Variants in ZNF536 observed in about 807,000 individuals in gnomAD.
ZNF536 encodes the protein zinc finger protein 536.
A neutral mutation model predicts 84.5 loss-of-function variants in ZNF536; 13 were observed. The ratio of observed to expected loss-of-function variants is 0.15; its 90% confidence interval spans 0.10 to 0.24. The LOEUF is 0.24. ZNF536 is among the 10% of genes least tolerant of loss of function. The probability of loss-of-function intolerance (pLI) is 1.00; values close to 1 mark genes in which losing one functional copy is unlikely to be tolerated. For missense variants in ZNF536, 1,536 were observed against 1,747.5 expected, an observed-to-expected ratio of 0.88 and a Z score of 2.16; for synonymous variants, 811 against 742.5, an observed-to-expected ratio of 1.09 and a Z score of -1.50.
At chr19:30,609,768 A>G (rs1162351778) in intron 1 of ZNF536, among the ~76,000 whole-genome samples, 1 of 105,230 alleles carries the variant, frequency 9.5e-6, no homozygotes, top group Non-Finnish European at 1.9e-5. Context: ...CCATCCACCC[A>G]TCTACCCATC....
At chr19:30,620,751 T>C (rs2048454496) in intron 1 of ZNF536, among the ~76,000 whole-genome samples, 1 of 152,194 alleles carries the variant, frequency 6.6e-6, no homozygotes, top group African/African-American at 2.4e-5. Context: ...TGCAAACCTT[T>C]TGAATGACAC....
chr19:30,571,220 G>A (rs929058788), intron 1 of ZNF536, among the ~76,000 whole-genome samples: 2 of 152,164 alleles, frequency 1.3e-5, no homozygotes, highest in Non-Finnish European at 2.9e-5. Flanking sequence ...GCTTCAGTGG[G>A]CTGGTTCGCT....
intron 1 of ZNF536, among the ~76,000 whole-genome samples, chr19:30,411,756 TA>T (rs2050504834): frequency 2.6e-5 from 4 of 152,244 alleles, no homozygotes; most frequent in Non-Finnish European, 5.9e-5. Flanking sequence ...TATTCTTTCT[TA>T]AAACTTGCTT....
At chr19:30,600,423 C>T (rs977695426) in intron 1 of ZNF536, among the ~76,000 whole-genome samples, 1 of 152,132 alleles carries the variant, frequency 6.6e-6, no homozygotes, top group African/African-American at 2.4e-5. Context: ...TTTTTAAAAG[C>T]TACAACCAAA....
chr19:30,557,875 G>A lies in ZNF536; in HGVS notation c.*711G>A, dbSNP rs899572897. ...TAGAAGATATATTAAGGTGTTCCTG[G>A]TAATGAAGGCATGTAAGTTATAATA... On this transcript the variant is annotated 3_prime_UTR_variant, in exon 5 of 5. Coordinates refer to ENST00000355537, the MANE Select transcript of ZNF536 (RefSeq NM_014717.3). 1.3e-5 allele frequency: 2 copies of A among 152,540 alleles called. No homozygotes were observed. Among genetic ancestry groups the A allele is most frequent in the Non-Finnish European group, 2.9e-5 (2 of 68,034 alleles). The allele number at this position is 152,540 out of a possible 1,614,324, so 9.4% of individuals were successfully genotyped here.
intron 1 of ZNF536, among the ~76,000 whole-genome samples, chr19:30,592,652 A>G (rs2047314800): frequency 6.6e-6 from 1 of 152,016 alleles, no homozygotes; most frequent in Non-Finnish European, 1.5e-5. Context: ...GGCTGTGGAA[A>G]TGAAAAGCAA....
At chr19:30,324,139 C>A (rs910582190) in intron 2 of ZNF536, among the ~76,000 whole-genome samples, 2 of 151,848 alleles carry the variant, frequency 1.3e-5, no homozygotes, top group Admixed American at 1.3e-4. Context: ...TCTACCCATG[C>A]ATCATCCATC....
At chr19:30,240,294 A>AC (rs2023844854) in intron 1 of ZNF536, among the ~76,000 whole-genome samples, 1 of 151,922 alleles carries the variant, frequency 6.6e-6, no homozygotes, top group Non-Finnish European at 1.5e-5. Flanking sequence ...AATTGCTCAA[A>AC]CCCGGGAGGC....
intron 2 of ZNF536, among the ~76,000 whole-genome samples, chr19:30,472,828 G>A (rs895339069): frequency 6.6e-6 from 1 of 152,104 alleles, no homozygotes; most frequent in Non-Finnish European, 1.5e-5. Context: ...GTCCAATGCT[G>A]CAAGGAAGTG....
chr19:30,705,378 A>G (rs1018650180), intron 1 of ZNF536, among the ~76,000 whole-genome samples: 5 of 151,966 alleles, frequency 3.3e-5, no homozygotes, highest in Admixed American at 2.0e-4. Context: ...CGCATTGTAA[A>G]TTGTGTATAA....
chr19:30,265,277 G>T (rs949347653), intron 1 of ZNF536, among the ~76,000 whole-genome samples: 1 of 152,124 alleles, frequency 6.6e-6, no homozygotes, highest in Non-Finnish European at 1.5e-5. Flanking sequence ...CTCTGCTGCT[G>T]CCAGGAGCCC....
intron 2 of ZNF536, among the ~76,000 whole-genome samples, chr19:30,459,380 T>G (rs1442208947): frequency 6.8e-6 from 1 of 147,208 alleles, no homozygotes; most frequent in African/African-American, 2.5e-5. Flanking sequence ...TGATGGAGTC[T>G]CTCCCTGTCA....
At chr19:30,636,152 G>T (rs576604228) in intron 1 of ZNF536, among the ~76,000 whole-genome samples, 17 of 152,238 alleles carry the variant, frequency 1.1e-4, no homozygotes, top group Non-Finnish European at 4.4e-5. Context: ...ATGGTGGTCA[G>T]CCATGAGACA....
chr19:30,506,097 A>G (rs993885383), intron 2 of ZNF536, among the ~76,000 whole-genome samples: 1 of 151,830 alleles, frequency 6.6e-6, no homozygotes, highest in African/African-American at 2.4e-5. Context: ...TATTTACAGC[A>G]GCAGGTAGAG....
intron 2 of ZNF536, among the ~76,000 whole-genome samples, chr19:30,494,282 A>G (rs560957719): frequency 2.3e-3 from 345 of 152,290 alleles, no homozygotes; most frequent in African/African-American, 8.0e-3. Flanking sequence ...CGTTACAGCT[A>G]AGGTCAGTGT....
rs1008555510 is a variant in ZNF536 at position 30,607,008 on chromosome 19, C to T, written c.169+57494C>T. On this transcript the variant is annotated intron_variant, in intron 1 of 1. Coordinates refer to the ZNF536 transcript ENST00000592773. ...TGTGTGTGAAGGCTGGCTCTCACGA[C>T]CCCAGGCCATGCCATTGTACCAACC... Among the ~76,000 whole-genome samples, 10 of 152,234 alleles carry T rather than the reference C, an allele frequency of 6.6e-5. No individual in the cohort carries two copies. The South Asian group carries it at 2.1e-3, about 32-fold the overall frequency.
At chr19:30,634,855 T>C (rs2049009543) in intron 1 of ZNF536, among the ~76,000 whole-genome samples, 1 of 152,074 alleles carries the variant, frequency 6.6e-6, no homozygotes. Flanking sequence ...AGATTACGTG[T>C]CAGTCTTTGT....
chr19:30,370,755 A>C (rs1282612759), upstream of ZNF536, among the ~76,000 whole-genome samples: 1 of 152,248 alleles, frequency 6.6e-6, no homozygotes, highest in Non-Finnish European at 1.5e-5. Flanking sequence ...GTGTAAAAAA[A>C]TGATTAATCA....
chr19:30,270,936 G>A (rs560276150), intron 1 of ZNF536, among the ~76,000 whole-genome samples: 1 of 152,024 alleles, frequency 6.6e-6, no homozygotes, highest in Admixed American at 6.5e-5. Flanking sequence ...AGTGACATTG[G>A]ATTTTTTTTT....
Sources: gnomAD v4.1 joint callset for allele counts (sites outside exome capture counted in the v4.1 genomes callset) on GRCh38, gnomAD v4.1.1 for gene constraint, MANE v1.5 for transcripts, NCBI Gene and HGNC (gene_info 2026-07-23, HGNC 2026-07-21) for gene names.